Variants in DNAJC5G observed in about 807,000 individuals in gnomAD.
DNAJC5G encodes the protein DnaJ heat shock protein family (Hsp40) member C5 gamma.
A neutral mutation model predicts 19.1 loss-of-function variants in DNAJC5G; 13 were observed. The ratio of observed to expected loss-of-function variants is 0.68; its 90% CI spans 0.44 to 1.08. The LOEUF (loss-of-function observed/expected upper bound fraction) is 1.08. Ranked by LOEUF, DNAJC5G falls within the 50% of genes least tolerant of loss-of-function variation. DNAJC5G has a pLI of 0.00. For synonymous variants in DNAJC5G, 81 were observed against 84.4 expected, an observed-to-expected ratio of 0.96 and a Z score of 0.22; for missense variants, 245 against 230.4, an observed-to-expected ratio of 1.06 and a Z score of -0.41.
Position 27,281,056 on chromosome 2 carries a change from TA to T in DNAJC5G, c.*647del, listed in dbSNP as rs1451139460. ...GAAAACTGCGAGTGCATTTGAGGCT[TA>T]GGGGTAGTCATTCCATCTTTAGATT... On this transcript the variant is annotated 3_prime_UTR_variant, in exon 7 of 7. Coordinates refer to ENST00000296097, the MANE Select transcript of DNAJC5G (RefSeq NM_173650.3). 1.3e-5 allele frequency: 2 copies of T among 152,328 alleles called. No homozygotes were observed. The highest frequency in any genetic ancestry group is 4.8e-5 in the African/African-American group (2 of 41,440). The allele number at this position is 152,328 out of a possible 1,614,324, so 9.4% of individuals were successfully genotyped here.
intron 5 of DNAJC5G, among the ~76,000 whole-genome samples, chr2:27,279,075 T>C (rs765185075): frequency 6.7e-6 from 1 of 150,142 alleles, no homozygotes; most frequent in Admixed American, 6.6e-5. Flanking sequence ...GGCAGGTTAA[T>C]CCCTAAATAT....
intron 5 of DNAJC5G, among the ~76,000 whole-genome samples, chr2:27,279,018 A>G (rs1678249837): frequency 6.6e-6 from 1 of 151,900 alleles, no homozygotes; most frequent in Non-Finnish European, 1.5e-5. Context: ...AAAAAAAAAA[A>G]AAAAGAAAGA....
At chr2:27,277,689 C>T in intron 3 of DNAJC5G, 65 bp from the exon 4 acceptor site, 1 of 1,586,532 alleles carries the variant, frequency 6.3e-7, no homozygotes, top group Non-Finnish European at 8.6e-7. Flanking sequence ...TACCACATCT[C>T]ATGCATTCCT....
At chr2:27,276,961 C>T in intron 3 of DNAJC5G, 120 bp downstream of exon 3, 1 of 830,288 alleles carries the variant, frequency 1.2e-6, no homozygotes, top group Non-Finnish European at 1.8e-6. Context: ...AAGTCTCGTC[C>T]TGTCACAGAG....
At position 27,280,390 on chromosome 2, in the gene DNAJC5G, C is replaced by G. The variant is rs909760389; in HGVS notation, c.*19-39C>G. 9 of 661,686 alleles carry G rather than the reference C, an allele frequency of 1.4e-5. No individual in the cohort carries two copies. The African/African-American group carries it at 1.6e-4, about 12-fold the overall frequency. 41.0% of individuals were successfully genotyped at this position (661,686 alleles called of 1,614,324 possible). On this transcript the variant is annotated intron_variant, in intron 6 of 6. Coordinates refer to ENST00000296097, the MANE Select transcript of DNAJC5G (RefSeq NM_173650.3). ...TTGCTTTAAGTTCTAGGTAATTATT[C>G]CTTCTGATTAATAAAGCGCCACCTT... is the stretch of plus-strand genomic sequence containing the variant.
chr2:27,280,553 C>G lies in DNAJC5G; in HGVS notation c.*143C>G, dbSNP rs983924540. 8.3e-6 allele frequency: 2 copies of G among 241,696 alleles called. No individual in the cohort carries two copies. Among genetic ancestry groups the G allele is most frequent in the Non-Finnish European group, 1.7e-5 (2 of 119,522 alleles). The allele number at this position is 241,696 out of a possible 1,614,324, so 15.0% of individuals were successfully genotyped here. A position where few individuals can be genotyped will look rare whatever the true frequency, so the allele number is the denominator to read the frequency against. ...CTCTTCTTATAAGGATCTCAAGAAT[C>G]TCTTCAGAAGCACTGATGACGTTGA... On this transcript the variant is annotated 3_prime_UTR_variant, in exon 7 of 7. Transcript: ENST00000296097.
Position 27,280,541 on chromosome 2 carries a change from G to A in DNAJC5G, c.*131G>A. 3.9e-6 allele frequency: 1 copy of A among 255,722 alleles called. No individual in the cohort carries two copies. Among genetic ancestry groups the A allele is most frequent in the East Asian group, 7.4e-5 (1 of 13,472 alleles). The allele number at this position is 255,722 out of a possible 1,614,324, so 15.8% of individuals were successfully genotyped here. A position where few individuals can be genotyped will look rare whatever the true frequency, so the allele number is the denominator to read the frequency against. On this transcript the variant is annotated 3_prime_UTR_variant, in exon 7 of 7. Transcript: ENST00000296097. ...CTGATTTGACCCCTCTTCTTATAAG[G>A]ATCTCAAGAATCTCTTCAGAAGCAC...
At chr2:27,277,706 C>T (rs1412692453) in intron 3 of DNAJC5G, 48 bp from the exon 4 acceptor site, 1 of 1,606,798 alleles carries the variant, frequency 6.2e-7, no homozygotes, top group South Asian at 1.1e-5. Flanking sequence ...TCCTTCTGCA[C>T]TCTCTAGAGA....
At chr2:27,279,979 GA>G (rs1678294888) in intron 5 of DNAJC5G, among the ~76,000 whole-genome samples, 186 bp from the exon 6 acceptor site, 1 of 151,764 alleles carries the variant, frequency 6.6e-6, no homozygotes, top group African/African-American at 2.4e-5. Context: ...AGAGGAAGAG[GA>G]AGAAAAGAAA....
chr2:27,278,369 G>A (rs1279665334), intron 5 of DNAJC5G, 37 bp downstream of exon 5: 1 of 1,611,542 alleles, frequency 6.2e-7, no homozygotes, highest in Non-Finnish European at 8.5e-7. Context: ...GGTAAGAAAT[G>A]TCTGGATTGG....
In DNAJC5G at chr2:27,279,185, G is replaced by A. The variant is rs138676997; in HGVS notation, c.520+853G>A. On this transcript the variant is annotated intron_variant, in intron 5 of 6. Coordinates refer to ENST00000296097, the MANE Select transcript of DNAJC5G (RefSeq NM_173650.3). ...CACACGACAAACTGACAGTTTGAAG[G>A]TAGTAGTGTCAGCTCCTGTTAAGCT... Among the ~76,000 whole-genome samples the A allele has an allele frequency of 4.1e-3, 623 of 152,248 alleles. 3 individuals carry two copies. The highest frequency in any genetic ancestry group is 7.1e-3 in the Non-Finnish European group (484 of 68,020).
At position 27,280,410 on chromosome 2, in the gene DNAJC5G, C is replaced by T. The variant is rs900491097; in HGVS notation, c.*19-19C>T. The T allele has an allele frequency of 2.3e-4, 133 of 579,430 alleles. 2 individuals carry two copies. In the East Asian group the frequency reaches 4.0e-3, roughly 17 times the overall value. The allele number at this position is 579,430 out of a possible 1,614,324, so 35.9% of individuals were successfully genotyped here. A position where few individuals can be genotyped will look rare whatever the true frequency, so the allele number is the denominator to read the frequency against. On this transcript the variant is annotated intron_variant, in intron 6 of 6. Transcript: ENST00000296097. ...TTATTCCTTCTGATTAATAAAGCGC[C>T]ACCTTCTTCCGCCACTAGGTGCTGA... is the stretch of plus-strand genomic sequence containing the variant.
At chr2:27,278,055 G>A (rs993619798) in intron 4 of DNAJC5G, 40 bp downstream of exon 4, 1 of 1,609,318 alleles carries the variant, frequency 6.2e-7, no homozygotes, top group South Asian at 1.1e-5. Context: ...AAGGAAAGAA[G>A]GGTGACCTTC....
chr2:27,280,580 C>G lies in DNAJC5G; in HGVS notation c.*170C>G. ...CTTCAGAAGCACTGATGACGTTGAT[C>G]CCAGTAAGGACATCACCTCTACCCT... On this transcript the variant is annotated 3_prime_UTR_variant, in exon 7 of 7. Transcript: ENST00000296097. The G allele has an allele frequency of 4.9e-6, 1 of 205,440 alleles. No individual in the cohort carries two copies. The highest frequency in any genetic ancestry group is 1.0e-5 in the Non-Finnish European group (1 of 97,606). The allele number at this position is 205,440 out of a possible 1,614,324, so 12.7% of individuals were successfully genotyped here. A position where few individuals can be genotyped will look rare whatever the true frequency, so the allele number is the denominator to read the frequency against.
In DNAJC5G at chr2:27,278,032, G is replaced by T. The variant is rs1415587443; in HGVS notation, c.375+17G>T. The T allele has an allele frequency of 1.2e-6, 2 of 1,611,902 alleles. No homozygotes were observed. Among genetic ancestry groups the T allele is most frequent in the South Asian group, 1.1e-5 (1 of 90,852 alleles). ...TGGTTCAAGGTACACAATTCTCCAG[G>T]TCCTTTAAGAATAAGGAAAGAAGGG... On this transcript the variant is annotated intron_variant, in intron 4 of 6. Coordinates refer to ENST00000296097, the MANE Select transcript of DNAJC5G (RefSeq NM_173650.3).
chr2:27,280,277 C>T, intron 6 of DNAJC5G, 44 bp downstream of exon 6: 1 of 1,526,350 alleles, frequency 6.6e-7, no homozygotes, highest in Non-Finnish European at 9.1e-7. Context: ...ATAAGAAAAG[C>T]ATGTAAGCTA....
intron 5 of DNAJC5G, among the ~76,000 whole-genome samples, chr2:27,279,682 T>G (rs1015665790): frequency 7.0e-6 from 1 of 143,386 alleles, no homozygotes; most frequent in Non-Finnish European, 1.5e-5. Context: ...GGAGCCAAGG[T>G]GGGCAGATCA....
rs1051313322 is a variant in DNAJC5G, at chr2:27,281,174, C to G, written c.*764C>G. 4 of 152,346 alleles carry G rather than the reference C, an allele frequency of 2.6e-5. No individual in the cohort carries two copies. Among genetic ancestry groups the G allele is most frequent in the African/African-American group, 9.7e-5 (4 of 41,430 alleles). 9.4% of individuals were successfully genotyped at this position (152,346 alleles called of 1,614,324 possible). On this transcript the variant is annotated 3_prime_UTR_variant, in exon 7 of 7. Coordinates refer to ENST00000296097, the MANE Select transcript of DNAJC5G (RefSeq NM_173650.3). ...AACATCAGTGCCAGCTTGCCTCCAT[C>G]CTTTTCACATATTATGCAGGCCAAT...
intron 3 of DNAJC5G, among the ~76,000 whole-genome samples, chr2:27,277,249 C>CGTTT (rs370986157): frequency 0.085 from 12,610 of 147,878 alleles, 572 homozygotes; most frequent in African/African-American, 0.12. Flanking sequence ...GCCTACGACC[C>CGTTT]GTTTGTTTGT....
Sources: gnomAD v4.1 joint callset for allele counts (sites outside exome capture counted in the v4.1 genomes callset) on GRCh38, gnomAD v4.1.1 for gene constraint, MANE v1.5 for transcripts, NCBI Gene and HGNC (gene_info 2026-07-23, HGNC 2026-07-21) for gene names.